STON2: variants seen among roughly 807,000 people sequenced by gnomAD.
The protein encoded by STON2 is stonin-2.
STON2 carries 29 observed loss-of-function variants against 65.7 expected under a neutral mutation model. The observed-to-expected ratio is 0.44, with a 90% CI of 0.33 to 0.60. The LOEUF (loss-of-function observed/expected upper bound fraction) is 0.60. Ranked by LOEUF, STON2 falls within the 20% of genes least tolerant of loss-of-function variation. The pLI is 0.03. For synonymous variants in STON2, 404 were observed against 414.2 expected (o/e 0.98, Z 0.30); for missense variants, 1,054 against 1,118.1 (o/e 0.94, Z 0.82).
chr14:81,314,158 C>T (rs1189007818), intron 5 of STON2, among the ~76,000 whole-genome samples: 1 of 152,214 alleles, frequency 6.6e-6, no homozygotes, highest in East Asian at 1.9e-4. Context: ...CCAAGTCTTT[C>T]ATTTTACATA....
chr14:81,359,733 G>A (rs935832314), intron 4 of STON2, among the ~76,000 whole-genome samples: 38 of 152,222 alleles, frequency 2.5e-4, no homozygotes, highest in African/African-American at 8.2e-4. Flanking sequence ...AGAATATTAC[G>A]ATTACATGCC....
chr14:81,273,460 G>C (rs1894677945), intron 6 of STON2, among the ~76,000 whole-genome samples: 1 of 152,222 alleles, frequency 6.6e-6, no homozygotes. Context: ...TGCAAAGAAA[G>C]CCACTTATGC....
chr14:81,326,975 T>C (rs569023823), intron 4 of STON2, among the ~76,000 whole-genome samples: 77 of 152,256 alleles, frequency 5.1e-4, no homozygotes, highest in Non-Finnish European at 4.0e-4. Flanking sequence ...GAAGCCAACA[T>C]GGCAAAACCC....
At chr14:81,268,545 G>A (rs1467832578) in intron 7 of STON2, 48 bp from the exon 8 acceptor site, 11 of 1,286,648 alleles carry the variant, frequency 8.5e-6, no homozygotes, top group Non-Finnish European at 1.0e-5. Flanking sequence ...AAGAGAAAAA[G>A]CATGCAAATA....
rs770523761 is a variant in STON2, at chr14:81,262,684, G to C, written c.*5730C>G. ...TTTCTGCCTTTACAGGCTTAGAATTGACAAATTGAGAGACACATTTTTTTT... is the reference window on the plus strand; with the variant it reads ...TTTCTGCCTTTACAGGCTTAGAATTCACAAATTGAGAGACACATTTTTTTT... On this transcript the variant is annotated 3_prime_UTR_variant, in exon 8 of 8. Transcript: ENST00000614646. 5.0e-5 allele frequency: 49 copies of C among 985,238 alleles called. No individual in the cohort carries two copies. Among genetic ancestry groups the C allele is most frequent in the Non-Finnish European group, 5.8e-5 (48 of 829,936 alleles). The allele number at this position is 985,238 out of a possible 1,614,324, so 61.0% of individuals were successfully genotyped here.
intron 6 of STON2, among the ~76,000 whole-genome samples, chr14:81,274,713 A>G (rs1487545980): frequency 6.6e-6 from 1 of 151,970 alleles, no homozygotes; most frequent in Non-Finnish European, 1.5e-5. Context: ...AGGCAGGCGG[A>G]TCACCTGAGG....
At chr14:81,317,958 T>C (rs1193942298) in intron 5 of STON2, among the ~76,000 whole-genome samples, 1 of 151,136 alleles carries the variant, frequency 6.6e-6, no homozygotes. Context: ...TTTTTATTTA[T>C]TTTTTTATTT....
intron 2 of STON2, among the ~76,000 whole-genome samples, chr14:81,410,571 T>C (rs1901107082): frequency 6.6e-6 from 1 of 152,180 alleles, no homozygotes; most frequent in Non-Finnish European, 1.5e-5. Flanking sequence ...AAGGGGACCC[T>C]GAGCTCCAGT....
At chr14:81,400,478 C>CAAAA (rs5810028), upstream of STON2, among the ~76,000 whole-genome samples, 32,818 of 96,192 alleles carry the variant, frequency 0.34, 6,546 homozygotes, top group Non-Finnish European at 0.41. Context: ...CAGCACCCGT[C>CAAAA]AAAAAAAAAA....
At chr14:81,313,139 G>T (rs1026423959) in intron 5 of STON2, among the ~76,000 whole-genome samples, 3 of 152,074 alleles carry the variant, frequency 2.0e-5, no homozygotes, top group African/African-American at 7.2e-5. Flanking sequence ...CGTGGTTTCT[G>T]TCACAAAAGA....
chr14:81,278,612 G>A lies in STON2; in HGVS notation c.870C>T (p.Val290=). The A allele has an allele frequency of 1.9e-6, 3 of 1,592,406 alleles. No homozygotes were observed. The highest frequency in any genetic ancestry group is 1.1e-5 in the South Asian group (1 of 87,048). The change falls in exon 6 of 8, where the codon GTC becomes GTT. Residue 290 remains valine, a synonymous_variant. Transcript: ENST00000614646. ...PVTSARFPSW[V]TFDDNEVSCP... ...AGCTGACTTCATTGTCATCAAAGGT[G>A]ACCCAGCTGGGAAAACGAGCAGAGG...
At chr14:81,283,650 C>T (rs1414768304) in intron 5 of STON2, among the ~76,000 whole-genome samples, 1 of 151,782 alleles carries the variant, frequency 6.6e-6, no homozygotes, top group African/African-American at 2.4e-5. Context: ...CCTGCCTCAG[C>T]CTCCTGAGTA....
Position 81,399,180 on chromosome 14 carries a change from G to C in STON2, c.-198-600C>G, listed in dbSNP as rs938776524. 1.8e-4 allele frequency among the ~76,000 whole-genome samples: 27 copies of C among 152,134 alleles called. 1 individual carries two copies. Among genetic ancestry groups the C allele is most frequent in the Admixed American group, 1.6e-3 (24 of 15,280 alleles). On this transcript the variant is annotated intron_variant, in intron 1 of 7. Transcript: ENST00000614646. ...GAGTTAGAGTAACATTTTCAATCTAGGCCTATTTAAATTAGTTACAATGGT... is the reference window on the plus strand; with the variant it reads ...GAGTTAGAGTAACATTTTCAATCTACGCCTATTTAAATTAGTTACAATGGT...
intron 5 of STON2, among the ~76,000 whole-genome samples, chr14:81,301,479 T>C (rs1002684994): frequency 2.7e-4 from 41 of 152,326 alleles, no homozygotes; most frequent in African/African-American, 9.6e-4. Context: ...CAAAGTGTTC[T>C]TATGGGTATA....
At chr14:81,329,505 G>A (rs910727690) in intron 4 of STON2, among the ~76,000 whole-genome samples, 1 of 151,514 alleles carries the variant, frequency 6.6e-6, no homozygotes, top group Non-Finnish European at 1.5e-5. Context: ...AAAACGTCAT[G>A]AGAAGATGGA....
At chr14:81,322,062 C>G (rs143756047) in intron 5 of STON2, among the ~76,000 whole-genome samples, 2 of 152,292 alleles carry the variant, frequency 1.3e-5, no homozygotes, top group Non-Finnish European at 2.9e-5. Context: ...ATAAGTACCC[C>G]CTAATAAAAA....
Position 81,263,087 on chromosome 14 carries a change from CA to C in STON2, c.*5326del. ...AAAGTGTGTGAGACAGTGCATTTACCAAATGATATTTTTTTGTGGATTTAAT... is the reference window on the plus strand; with the variant it reads ...AAAGTGTGTGAGACAGTGCATTTACCAATGATATTTTTTTGTGGATTTAAT... On this transcript the variant is annotated 3_prime_UTR_variant, in exon 8 of 8. Transcript: ENST00000614646. 1 of 985,152 alleles carries C rather than the reference CA, an allele frequency of 1.0e-6. No individual in the cohort carries two copies. The highest frequency in any genetic ancestry group is 1.2e-6 in the Non-Finnish European group (1 of 829,740). The allele number at this position is 985,152 out of a possible 1,614,324, so 61.0% of individuals were successfully genotyped here. A position where few individuals can be genotyped will look rare whatever the true frequency, so the allele number is the denominator to read the frequency against.
chr14:81,263,756 C>A lies in STON2; in HGVS notation c.*4658G>T. The A allele has an allele frequency of 1.0e-6, 1 of 985,312 alleles. No homozygotes were observed. Among genetic ancestry groups the A allele is most frequent in the Non-Finnish European group, 1.2e-6 (1 of 829,902 alleles). The allele number at this position is 985,312 out of a possible 1,614,324, so 61.0% of individuals were successfully genotyped here. A position where few individuals can be genotyped will look rare whatever the true frequency, so the allele number is the denominator to read the frequency against. ...ATTTTTAGAAGAGTTAAAGTTACCA[C>A]TCGAACTGGGAGCATTTCTATAAGC... On this transcript the variant is annotated 3_prime_UTR_variant, in exon 8 of 8. Coordinates refer to ENST00000614646, the MANE Select transcript of STON2 (RefSeq NM_001394390.1).
In STON2 at chr14:81,369,101, G is replaced by A. The variant is rs1002564185; in HGVS notation, c.571+1887C>T. 3.9e-5 allele frequency among the ~76,000 whole-genome samples: 6 copies of A among 152,098 alleles called. No individual in the cohort carries two copies. The South Asian group carries it at 1.2e-3, about 32-fold the overall frequency. ...CCTGCTTGGTCAAATCTCTGCAGTG[G>A]CTCTGTCCTTTCTGTCGCCATAGCT... On this transcript the variant is annotated intron_variant, in intron 4 of 7. Coordinates refer to ENST00000614646, the MANE Select transcript of STON2 (RefSeq NM_001394390.1).
Sources: allele counts gnomAD v4.1 joint callset (sites outside exome capture counted in the v4.1 genomes callset), GRCh38; gene constraint gnomAD v4.1.1; transcripts MANE v1.5; gene names NCBI Gene and HGNC (gene_info 2026-07-23, HGNC 2026-07-21).